The following SMC1B variants were observed in gnomAD, a reference collection of about 807,000 sequenced individuals.
The protein encoded by SMC1B is structural maintenance of chromosomes 1B.
In SMC1B, 60 loss-of-function variants were observed where a neutral mutation model predicts 157.9. The ratio of observed to expected loss-of-function variants is 0.38; its 90% CI spans 0.31 to 0.47. The LOEUF is 0.47. Ranked by LOEUF, SMC1B falls within the 20% of genes least tolerant of loss-of-function variation. SMC1B has a pLI of 0.99. For synonymous variants in SMC1B, 445 were observed against 483.0 expected, an observed-to-expected ratio of 0.92 and a Z score of 1.03; for missense variants, 1,165 against 1,426.2, an observed-to-expected ratio of 0.82 and a Z score of 2.95.
intron 6 of SMC1B, among the ~76,000 whole-genome samples, chr22:45,398,017 C>T (rs1036248821): frequency 6.6e-6 from 1 of 152,162 alleles, no homozygotes; most frequent in African/African-American, 2.4e-5. Flanking sequence ...GCAGCTGCCC[C>T]ACATGACAGG....
intron 12 of SMC1B, among the ~76,000 whole-genome samples, chr22:45,377,153 TAC>T (rs1370587409): frequency 5.9e-5 from 9 of 152,342 alleles, no homozygotes; most frequent in African/African-American, 9.6e-5. Context: ...TTTAAAACTA[TAC>T]AGTTATTTGC....
chr22:45,393,361 A>G (rs2087083825), intron 9 of SMC1B, among the ~76,000 whole-genome samples: 1 of 152,124 alleles, frequency 6.6e-6, no homozygotes, highest in African/African-American at 2.4e-5. Context: ...CCTTTTGGGG[A>G]TACTGGCCAC....
intron 12 of SMC1B, among the ~76,000 whole-genome samples, chr22:45,372,714 G>T (rs2086845827): frequency 4.5e-5 from 3 of 66,572 alleles, no homozygotes; most frequent in Non-Finnish European, 4.9e-5. Context: ...TTGACTCCAG[G>T]TCTTTTTTTT....
intron 23 of SMC1B, among the ~76,000 whole-genome samples, chr22:45,349,368 ACT>A (rs2086586273): frequency 7.2e-6 from 1 of 139,580 alleles, no homozygotes; most frequent in Admixed American, 7.2e-5. Flanking sequence ...ACAGAGTCTC[ACT>A]CTGTCGCTTA....
At chr22:45,393,907 C>A (rs765006662) in intron 8 of SMC1B, 66 bp from the exon 9 acceptor site, 418 of 1,117,736 alleles carry the variant, frequency 3.7e-4, no homozygotes, top group Non-Finnish European at 5.1e-4. Context: ...CCAGGTACAA[C>A]ATACTCCTGT....
chr22:45,413,475 G>T lies in SMC1B; in HGVS notation c.93C>A (p.Ile31=), dbSNP rs1214047103. The change falls in exon 1 of 25, where the codon ATC becomes ATA. Residue 31 remains isoleucine (I), a synonymous_variant. Transcript: ENST00000357450. The part of the protein sequence containing the change: ...IGPFRRFTCI[I]GPNGSGKSNV... ...CTCAGTTACCAGAGCCGTTGGGGCC[G>T]ATGATGCAGGTGAACCTCCGGAAGG... 2 of 1,609,096 alleles carry T rather than the reference G, an allele frequency of 1.2e-6. No individual in the cohort carries two copies. The highest frequency in any genetic ancestry group is 1.3e-5 in the African/African-American group (1 of 74,966).
rs61748560 is a variant in SMC1B, at chr22:45,355,040, A to G, written c.3037T>C (p.Leu1013=). 16,436 of 1,614,196 alleles carry G rather than the reference A, an allele frequency of 0.01. 129 individuals carry two copies. The highest frequency in any genetic ancestry group is 0.018 in the Middle Eastern group (109 of 6,062). ...AGGTTTGGGGCTGCTGTTTTCAGTA[A>G]GATATCTTCCTGGGATGCTACTTGC... The part of the protein sequence containing the change: ...LQQVASQEDI[L]LKTAAPNLRA... Residue 1013 remains leucine (L), a synonymous_variant, in exon 20 of 25, where the codon TTA becomes CTA. Transcript: ENST00000357450.
intron 23 of SMC1B, among the ~76,000 whole-genome samples, chr22:45,347,552 G>A (rs930109306): frequency 6.6e-6 from 1 of 151,814 alleles, no homozygotes; most frequent in African/African-American, 2.4e-5. Context: ...TCTCAGCCAC[G>A]GGCTCCTTAA....
chr22:45,363,763 T>A (rs996252525), intron 15 of SMC1B, among the ~76,000 whole-genome samples: 4 of 152,196 alleles, frequency 2.6e-5, no homozygotes, highest in African/African-American at 9.6e-5. Context: ...TGCATACAGA[T>A]GATGTTTCTT....
In SMC1B at chr22:45,396,426, G is replaced by C. The variant is rs1437911435; in HGVS notation, c.1174C>G (p.Gln392Glu). ...TGTTCCCACTGCAGTTTTTCCAGTT[G>C]TTGAGTCATTGTAGCTACTTTCTTT... ...VRKKVATMTQ[Q>E]LEKLQWEQKT... is the part of the protein sequence containing the mutation. Residue 392 changes from glutamine (Q) to glutamate (E), a missense_variant, in exon 7 of 25, where the codon CAA becomes GAA. Coordinates refer to ENST00000357450, the MANE Select transcript of SMC1B (RefSeq NM_148674.5). The C allele has an allele frequency of 1.2e-6, 2 of 1,613,086 alleles. No homozygotes were observed. Among genetic ancestry groups the C allele is most frequent in the South Asian group, 1.1e-5 (1 of 90,976 alleles).
At chr22:45,371,430 A>G (rs769971318) in intron 14 of SMC1B, 41 bp downstream of exon 14, 8 of 1,532,540 alleles carry the variant, frequency 5.2e-6, no homozygotes, top group Middle Eastern at 1.8e-4. Flanking sequence ...TCTGGTCTAG[A>G]ACTACATATA....
chr22:45,405,299 G>A lies in SMC1B; in HGVS notation c.615+1161C>T, dbSNP rs879889008. On this transcript the variant is annotated intron_variant, in intron 4 of 24. Transcript: ENST00000357450. ...TTCTTGGCCAGGCGCGGTGGCTCAC[G>A]CCTGTAATCCCAGCACTTTGGGAGG... Among the ~76,000 whole-genome samples the A allele has an allele frequency of 5.3e-5, 8 of 152,084 alleles. No homozygotes were observed. The South Asian group carries it at 8.3e-4, about 16-fold the overall frequency.
At chr22:45,381,826 T>C (rs965116986) in intron 12 of SMC1B, among the ~76,000 whole-genome samples, 7 of 152,342 alleles carry the variant, frequency 4.6e-5, no homozygotes, top group African/African-American at 1.4e-4. Flanking sequence ...TAAAATGTAG[T>C]CTTATGCTTC....
chr22:45,353,737 T>A (rs1310397998), intron 21 of SMC1B, among the ~76,000 whole-genome samples: 1 of 151,662 alleles, frequency 6.6e-6, no homozygotes, highest in East Asian at 1.9e-4. Context: ...ATTTTTCAGA[T>A]GAAGAAACAG....
intron 19 of SMC1B, among the ~76,000 whole-genome samples, chr22:45,357,329 C>T (rs563559722): frequency 1.3e-5 from 2 of 152,334 alleles, no homozygotes; most frequent in East Asian, 1.9e-4. Flanking sequence ...GACTGGGAAA[C>T]AGAGCCAGAG....
intron 23 of SMC1B, 39 bp from the exon 24 acceptor site, chr22:45,345,608 A>G: frequency 7.7e-7 from 1 of 1,295,264 alleles, no homozygotes. Context: ...TAGGAAGGAA[A>G]GGCCTTGTCT....
At chr22:45,407,592 C>T (rs1410600577) in intron 2 of SMC1B, among the ~76,000 whole-genome samples, 2 of 151,974 alleles carry the variant, frequency 1.3e-5, no homozygotes, top group Non-Finnish European at 2.9e-5. Context: ...CTCCTAAGTA[C>T]TGGGACTATA....
intron 19 of SMC1B, among the ~76,000 whole-genome samples, chr22:45,357,480 C>T (rs2086680836): frequency 6.6e-6 from 1 of 152,144 alleles, no homozygotes; most frequent in African/African-American, 2.4e-5. Flanking sequence ...CAGTGGGATG[C>T]CAGTGAGCAA....
At chr22:45,405,435 C>A (rs1177352764) in intron 4 of SMC1B, among the ~76,000 whole-genome samples, 5 of 151,912 alleles carry the variant, frequency 3.3e-5, no homozygotes. Context: ...ACCTGTAGTC[C>A]CAGCTACTCG....
Sources: gnomAD v4.1 joint callset for allele counts (sites outside exome capture counted in the v4.1 genomes callset) on GRCh38, gnomAD v4.1.1 for gene constraint, MANE v1.5 for transcripts, NCBI Gene and HGNC (gene_info 2026-07-23, HGNC 2026-07-21) for gene names.